The following WDR59 variants were observed in gnomAD, a reference collection of about 807,000 sequenced individuals.
WDR59 encodes the protein WD repeat domain 59, also known as GATOR2 complex protein WDR59.
WDR59 carries 100 observed loss-of-function variants against 131.2 expected under a neutral mutation model. That is an observed-to-expected ratio of 0.76 (90% CI 0.65 to 0.90). WDR59 has a LOEUF of 0.90. Among genes scored for constraint, WDR59 ranks in the 40% least tolerant of loss-of-function variants. The pLI is 0.00. For missense variants in WDR59, 1,203 were observed against 1,262.2 expected (o/e 0.95, Z 0.71); for synonymous variants, 601 against 466.2 (o/e 1.29, Z -3.72).
At chr16:74,889,568 TGAAAG>T (rs1964939531) in intron 21 of WDR59, 130 bp downstream of exon 21, 1 of 655,682 alleles carries the variant, frequency 1.5e-6, no homozygotes, top group African/African-American at 1.8e-5. Context: ...ATTTCAGCAC[TGAAAG>T]GAAAGATCCT....
rs1964032777 is a variant in WDR59, at chr16:74,872,692, A to C, written c.*1517T>G. On this transcript the variant is annotated 3_prime_UTR_variant, in exon 26 of 26. Coordinates refer to ENST00000262144, the MANE Select transcript of WDR59 (RefSeq NM_030581.4). ...AGTTTGCGAGGGAGCCTAAAGGAAG[A>C]GTGAGGGCACTCACTGGAACCCAGC... 6.6e-6 allele frequency: 1 copy of C among 152,246 alleles called. No homozygotes were observed. The highest frequency in any genetic ancestry group is 2.1e-4 in the South Asian group (1 of 4,830). 9.4% of individuals were successfully genotyped at this position (152,246 alleles called of 1,614,324 possible). A position where few individuals can be genotyped will look rare whatever the true frequency, so the allele number is the denominator to read the frequency against.
intron 3 of WDR59, among the ~76,000 whole-genome samples, chr16:74,953,556 A>G (rs1309500958): frequency 6.6e-6 from 1 of 152,164 alleles, no homozygotes; most frequent in Non-Finnish European, 1.5e-5. Flanking sequence ...GCTTTTGTGC[A>G]TCAAAGAACA....
intron 14 of WDR59, among the ~76,000 whole-genome samples, chr16:74,910,649 T>G (rs1332504993): frequency 6.6e-6 from 1 of 152,218 alleles, no homozygotes; most frequent in Non-Finnish European, 1.5e-5. Flanking sequence ...ATAATGTATA[T>G]TTTTTGTCCT....
chr16:74,878,452 G>A (rs1474430147), intron 25 of WDR59, among the ~76,000 whole-genome samples: 1 of 152,130 alleles, frequency 6.6e-6, no homozygotes, highest in South Asian at 2.1e-4. Context: ...CCAGGCGTTC[G>A]AGACCAGCCT....
At chr16:74,945,576 C>T (rs189219251) in intron 6 of WDR59, among the ~76,000 whole-genome samples, 47 of 152,194 alleles carry the variant, frequency 3.1e-4, no homozygotes, top group Non-Finnish European at 5.3e-4. Flanking sequence ...TTCAGTTATA[C>T]GCCCTCTGCA....
At chr16:74,920,922 G>A (rs2030156275) in intron 10 of WDR59, among the ~76,000 whole-genome samples, 1 of 152,122 alleles carries the variant, frequency 6.6e-6, no homozygotes, top group Non-Finnish European at 1.5e-5. Context: ...CTACTCTCAG[G>A]GAAGGGAGGG....
At chr16:74,881,499 T>C (rs1597626889) in intron 25 of WDR59, among the ~76,000 whole-genome samples, 2 of 152,272 alleles carry the variant, frequency 1.3e-5, no homozygotes, top group East Asian at 3.9e-4. Context: ...GCCTATACTT[T>C]TCTTTCAATA....
intron 1 of WDR59, among the ~76,000 whole-genome samples, chr16:74,983,103 G>A (rs958770616): frequency 6.6e-6 from 1 of 152,208 alleles, no homozygotes; most frequent in Non-Finnish European, 1.5e-5. Context: ...AATATTTTGG[G>A]AGGCCAAAGT....
intron 4 of WDR59, among the ~76,000 whole-genome samples, chr16:74,950,235 G>A (rs2032917458): frequency 6.6e-6 from 1 of 152,092 alleles, no homozygotes; most frequent in Non-Finnish European, 1.5e-5. Context: ...CCAGCTACTT[G>A]AGAATCATTT....
rs1337732674 is a variant in WDR59 at position 74,956,557 on chromosome 16, T to C, written c.158A>G (p.Lys53Arg). 1 of 1,614,156 alleles carries C rather than the reference T, an allele frequency of 6.2e-7. No homozygotes were observed. Among genetic ancestry groups the C allele is most frequent in the Non-Finnish European group, 8.5e-7 (1 of 1,180,016 alleles). Residue 53 changes from lysine to arginine, a missense_variant, in exon 3 of 26, where the codon AAG (lysine) becomes AGG (arginine). Physicochemically the swap from Lys to Arg is conservative, Grantham distance 26 (BLOSUM62 2). Coordinates refer to ENST00000262144, the MANE Select transcript of WDR59 (RefSeq NM_030581.4). ...NLDAPFEGHR[K>R]ISRQSKWDIG... ...GTCCCATTTGCTCTGGCGAGAGATCTTTCGGTGACCTTCGAAAGGGGCATC... is the reference window on the plus strand; with the variant it reads ...GTCCCATTTGCTCTGGCGAGAGATCCTTCGGTGACCTTCGAAAGGGGCATC...
chr16:74,981,862 G>C (rs1242948606), intron 1 of WDR59, among the ~76,000 whole-genome samples: 1 of 139,566 alleles, frequency 7.2e-6, no homozygotes, highest in Non-Finnish European at 1.6e-5. Flanking sequence ...CACCATGTTG[G>C]CCAGGCTGGT....
At chr16:74,876,451 G>A (rs1282365273) in intron 25 of WDR59, among the ~76,000 whole-genome samples, 2 of 152,100 alleles carry the variant, frequency 1.3e-5, no homozygotes, top group Non-Finnish European at 2.9e-5. Flanking sequence ...ATGTTTAAAA[G>A]GGTTTGTTCC....
chr16:74,925,438 G>A (rs2030684111), intron 8 of WDR59, among the ~76,000 whole-genome samples: 2 of 151,968 alleles, frequency 1.3e-5, no homozygotes, highest in South Asian at 4.2e-4. Context: ...CAGCTACTCA[G>A]GAGGCTGAGG....
chr16:74,946,450 G>T (rs1206532441), intron 6 of WDR59, among the ~76,000 whole-genome samples: 2 of 152,076 alleles, frequency 1.3e-5, no homozygotes, highest in Admixed American at 6.6e-5. Flanking sequence ...GCCCGGGTGT[G>T]GTGGCTCCCG....
chr16:74,984,972 C>T lies in WDR59; in HGVS notation c.46G>A (p.Asp16Asn). 1 of 1,603,668 alleles carries T rather than the reference C, an allele frequency of 6.2e-7. No individual in the cohort carries two copies. The highest frequency in any genetic ancestry group is 8.5e-7 in the Non-Finnish European group (1 of 1,175,346). Residue 16 changes from aspartate to asparagine, a missense_variant, in exon 1 of 26, where the codon GAC (aspartate) becomes AAC (asparagine). Transcript: ENST00000262144. ...SSENVVVEFR[D>N]SQATAMSVDC... ...CTCGGCCTCTAGCTCACCTGGGAGT[C>T]ACGGAACTCTACAACCACGTTTTCG...
chr16:74,953,360 C>G (rs944779344), intron 3 of WDR59, among the ~76,000 whole-genome samples: 9 of 151,736 alleles, frequency 5.9e-5, no homozygotes, highest in South Asian at 2.1e-4. Context: ...GTAGTCCCAG[C>G]TACTTGAGAG....
At chr16:74,910,863 C>T (rs1357432746) in intron 14 of WDR59, among the ~76,000 whole-genome samples, 1 of 152,046 alleles carries the variant, frequency 6.6e-6, no homozygotes, top group African/African-American at 2.4e-5. Context: ...GCCTCCGCCT[C>T]CCAGGTTCAA....
intron 25 of WDR59, among the ~76,000 whole-genome samples, chr16:74,884,389 C>A (rs1013965064): frequency 6.6e-6 from 1 of 152,254 alleles, no homozygotes; most frequent in Non-Finnish European, 1.5e-5. Context: ...CGCTCTGTCA[C>A]CCAGGCTGGA....
chr16:74,915,739 T>C (rs1050827226), intron 13 of WDR59, 131 bp downstream of exon 13: 38 of 1,409,398 alleles, frequency 2.7e-5, no homozygotes, highest in Non-Finnish European at 3.6e-5. Flanking sequence ...ACCCAGGAAA[T>C]AAAAAAGCAA....
Sources: allele counts gnomAD v4.1 joint callset (sites outside exome capture counted in the v4.1 genomes callset), GRCh38; gene constraint gnomAD v4.1.1; transcripts MANE v1.5; gene names NCBI Gene and HGNC (gene_info 2026-07-23, HGNC 2026-07-21).